Variants in SHQ1 observed in about 807,000 individuals in gnomAD.
SHQ1 encodes SHQ1, H/ACA ribonucleoprotein assembly factor, also known as protein SHQ1 homolog.
Under a neutral mutation model 53.8 loss-of-function variants are expected in SHQ1, and 49 were observed. The ratio of observed to expected loss-of-function variants is 0.91; its 90% confidence interval spans 0.72 to 1.16. SHQ1 has a LOEUF of 1.16. Ranked by LOEUF, SHQ1 falls within the 50% of genes most tolerant of loss-of-function variation. The probability of loss-of-function intolerance (pLI) is 0.00; values close to 1 mark genes in which losing one functional copy is unlikely to be tolerated. For missense variants in SHQ1, 738 were observed against 683.1 expected (o/e 1.08, Z -0.90); for synonymous variants, 243 against 251.0 (o/e 0.97, Z 0.30).
At chr3:72,776,702 A>G (rs1468179975) in intron 10 of SHQ1, among the ~76,000 whole-genome samples, 4 of 152,212 alleles carry the variant, frequency 2.6e-5, no homozygotes, top group Non-Finnish European at 5.9e-5. Flanking sequence ...GAGTCATACC[A>G]TATTATTGGA....
chr3:72,744,980 G>T (rs1705233365), downstream of SHQ1, among the ~76,000 whole-genome samples: 1 of 151,358 alleles, frequency 6.6e-6, no homozygotes, highest in Non-Finnish European at 1.5e-5. Flanking sequence ...ACACTCTTAG[G>T]ATCTGATGTA....
At chr3:72,832,625 T>G in intron 4 of SHQ1, 144 bp from the exon 5 acceptor site, 1 of 608,650 alleles carries the variant, frequency 1.6e-6, no homozygotes, top group South Asian at 2.1e-5. Flanking sequence ...TAGATTCAAA[T>G]CCAACAAATG....
intron 10 of SHQ1, among the ~76,000 whole-genome samples, chr3:72,789,669 T>G (rs1028303965): frequency 2.0e-5 from 3 of 152,212 alleles, no homozygotes; most frequent in Non-Finnish European, 4.4e-5. Flanking sequence ...TAAAACTGAT[T>G]GTGCTCACAA....
chr3:72,750,289 T>A lies in SHQ1; in HGVS notation c.1729A>T (p.Asn577Tyr). 1.2e-6 allele frequency: 2 copies of A among 1,602,604 alleles called. No individual in the cohort carries two copies. The highest frequency in any genetic ancestry group is 1.7e-6 in the Non-Finnish European group (2 of 1,174,786). Residue 577 changes from asparagine to tyrosine, a missense_variant, in exon 11 of 11, where the codon AAT (asparagine) becomes TAT (tyrosine). Physicochemically the swap from Asn to Tyr is moderately radical, Grantham distance 143. Transcript: ENST00000325599. ...TGAATAAAACCACCTAAGAGTCAAT[T>A]ATTTGGTGTCTGACAGCCGTCTCTC... is the stretch of plus-strand genomic sequence containing the variant. ...QERDGCQTPN[N>Y] is the part of the protein sequence containing the mutation.
At chr3:72,734,298 C>T in the SHQ1 span, among the ~76,000 whole-genome samples, 4 of 150,730 alleles carry the variant, frequency 2.7e-5, no homozygotes, top group African/African-American at 9.8e-5. Flanking sequence ...GCTCTGTTGC[C>T]CAGGCTGGAG....
intron 10 of SHQ1, chr3:72,753,669 A>C (rs2106704388): frequency 1.0e-6 from 1 of 984,118 alleles, no homozygotes; most frequent in South Asian, 4.7e-5. Flanking sequence ...GGAGGGGTTT[A>C]GGGTAAAGAG....
At chr3:72,842,973 A>G (rs1007660032) in intron 2 of SHQ1, among the ~76,000 whole-genome samples, 1 of 151,916 alleles carries the variant, frequency 6.6e-6, no homozygotes, top group African/African-American at 2.4e-5. Context: ...GCTACTTGGG[A>G]GGCTGAGGCA....
chr3:72,836,128 T>A (rs920687385), intron 4 of SHQ1, among the ~76,000 whole-genome samples: 1 of 152,148 alleles, frequency 6.6e-6, no homozygotes, highest in African/African-American at 2.4e-5. Context: ...AAAGTGGAAA[T>A]CCAGTAATAA....
the SHQ1 span, among the ~76,000 whole-genome samples, chr3:72,737,122 A>G: frequency 6.6e-6 from 1 of 151,824 alleles, no homozygotes; most frequent in Admixed American, 6.6e-5. Context: ...ATAAAAAAAT[A>G]AAAATATTAG....
Position 72,793,877 on chromosome 3 carries a change from GAAC to G in SHQ1, c.1061-844_1061-842del, listed in dbSNP as rs1706520710. 2 of 152,158 alleles carry G rather than the reference GAAC, an allele frequency of 1.3e-5. 1 individual carries two copies. Among genetic ancestry groups the G allele is most frequent in the African/African-American group, 4.8e-5 (2 of 41,428 alleles). The allele number at this position is 152,158 out of a possible 1,614,324, so 9.4% of individuals were successfully genotyped here. On this transcript the variant is annotated intron_variant, in intron 9 of 10. Coordinates refer to ENST00000325599, the MANE Select transcript of SHQ1 (RefSeq NM_018130.3). Reference sequence around the variant, plus strand: ...AGAAATAAGCTGACAAAACTCACATGAACAAAAGCCATCAAGTATTAAAGCCTT... The same window carrying G: ...AGAAATAAGCTGACAAAACTCACATGAAAAGCCATCAAGTATTAAAGCCTT...
chr3:72,846,297 T>TA, intron 1 of SHQ1: 1 of 1,525,292 alleles, frequency 6.6e-7, no homozygotes, highest in Non-Finnish European at 8.7e-7. Flanking sequence ...AACTGTATGT[T>TA]CTTTTTTTTT....
At chr3:72,828,237 G>GT (rs1384268919) in intron 5 of SHQ1, among the ~76,000 whole-genome samples, 37 of 152,132 alleles carry the variant, frequency 2.4e-4, no homozygotes, top group Admixed American at 2.0e-3. Context: ...AAGACAAACT[G>GT]TAACAGGGGA....
chr3:72,733,386 G>A, the SHQ1 span, among the ~76,000 whole-genome samples: 1 of 151,536 alleles, frequency 6.6e-6, no homozygotes, highest in Admixed American at 6.6e-5. Context: ...TCTCTATGAT[G>A]TGCTAGGCAC....
At chr3:72,806,366 C>CT (rs1706944009) in intron 9 of SHQ1, among the ~76,000 whole-genome samples, 1 of 152,142 alleles carries the variant, frequency 6.6e-6, no homozygotes, top group South Asian at 2.1e-4. Flanking sequence ...CAGTATCTGA[C>CT]TTTAATTCCA....
At chr3:72,845,738 C>T (rs1053371870) in intron 1 of SHQ1, among the ~76,000 whole-genome samples, 13 of 152,152 alleles carry the variant, frequency 8.5e-5, no homozygotes, top group Non-Finnish European at 5.9e-5. Context: ...CCATGGCCCT[C>T]CCCCTTGTTT....
intron 10 of SHQ1, among the ~76,000 whole-genome samples, chr3:72,765,455 C>T (rs1312807278): frequency 6.8e-6 from 1 of 147,166 alleles, no homozygotes; most frequent in African/African-American, 2.6e-5. Flanking sequence ...AAGACAGTTT[C>T]CTTCTGTCGC....
intron 10 of SHQ1, among the ~76,000 whole-genome samples, chr3:72,786,703 C>T (rs1308518175): frequency 6.6e-6 from 1 of 152,162 alleles, no homozygotes; most frequent in African/African-American, 2.4e-5. Flanking sequence ...TCTGCATTTC[C>T]CACTAGAAGA....
rs1216231516 is a variant in SHQ1 at position 72,812,689 on chromosome 3, T to C, written c.1042A>G (p.Ile348Val). ...KLVMKAYRDT[I>V]KILQLGKSAV... The stretch of plus-strand genomic sequence containing the variant: ...ATCTTACCCAGTTGCAATATCTTTA[T>C]AGTGTCCCTGTAGGCCTTCATCACC... Residue 348 changes from isoleucine (I) to valine (V), a missense_variant, in exon 9 of 11, where the codon ATA becomes GTA. By Grantham distance (29) the Ile-to-Val change is conservative. Transcript: ENST00000325599. 18 of 1,614,094 alleles carry C rather than the reference T, an allele frequency of 1.1e-5. No homozygotes were observed. The highest frequency in any genetic ancestry group is 1.4e-5 in the Non-Finnish European group (17 of 1,179,986).
intron 10 of SHQ1, among the ~76,000 whole-genome samples, chr3:72,792,675 C>T (rs1706475431): frequency 1.3e-5 from 2 of 151,106 alleles, no homozygotes; most frequent in South Asian, 2.1e-4. Flanking sequence ...ATCCCAGCTA[C>T]TCGGGAGGCA....
Sources: gnomAD v4.1 joint callset for allele counts (sites outside exome capture counted in the v4.1 genomes callset) on GRCh38, gnomAD v4.1.1 for gene constraint, MANE v1.5 for transcripts, NCBI Gene and HGNC (gene_info 2026-07-23, HGNC 2026-07-21) for gene names.